Variants in ZNF48 observed in about 807,000 individuals in gnomAD.
ZNF48 encodes zinc finger protein 553.
A neutral mutation model predicts 40.0 loss-of-function variants in ZNF48; 20 were observed. The ratio of observed to expected loss-of-function variants is 0.50; its 90% CI spans 0.35 to 0.73. The LOEUF (loss-of-function observed/expected upper bound fraction) is 0.73, where lower values mean the gene tolerates loss of function less well. Ranked by LOEUF, ZNF48 falls within the 30% of genes least tolerant of loss-of-function variation. The pLI, the probability that ZNF48 is intolerant of heterozygous loss-of-function variation, is 0.01. For synonymous variants in ZNF48, 298 were observed against 329.7 expected (o/e 0.90, Z 1.04); for missense variants, 726 against 851.9 (o/e 0.85, Z 1.84).
At chr16:30,378,346 C>A in exon 1 of ZNF48, 2 of 1,294,760 alleles carry the variant, frequency 1.5e-6, no homozygotes, top group South Asian at 1.4e-5. Context: ...GCGGAGGTCC[C>A]GGGGGGCGCT....
At position 30,381,617 on chromosome 16, in the gene ZNF48, C is replaced by G. The variant is rs977037330; in HGVS notation, c.-16+3207C>G. ...GGAACTGGTGGGGGCCTAGGTGAGT[C>G]ATCAAGAAGCACAGGGACCCAGTGG... On this transcript the variant is annotated intron_variant, in intron 1 of 2. Coordinates refer to the ZNF48 transcript ENST00000528032. This position sits in a 1 kb window ranked among gnomAD's most constrained non-coding sequence, Gnocchi z 4.3. The G allele has an allele frequency of 6.8e-7, 1 of 1,465,846 alleles. No individual in the cohort carries two copies. Among genetic ancestry groups the G allele is most frequent in the Non-Finnish European group, 9.3e-7 (1 of 1,075,328 alleles). 90.8% of individuals were successfully genotyped at this position (1,465,846 alleles called of 1,614,324 possible).
Position 30,399,073 on chromosome 16 carries a change from C to G in ZNF48, c.1823C>G (p.Pro608Arg), listed in dbSNP as rs374095744. The stretch of plus-strand genomic sequence containing the variant: ...GGGATAGGGGATGGTAGGGCAAGGC[C>G]CCTCAAGCAGGAGGCAGCAACAGGA... ...PFGIGDGRARPLKQEAATGLE is the reference protein window; with the variant it reads ...PFGIGDGRARRLKQEAATGLE The change falls in exon 3 of 3, where the codon CCC becomes CGC. Residue 608 changes from proline (P) to arginine (R), a missense_variant. Transcript: ENST00000613509. 10 of 1,602,300 alleles carry G rather than the reference C, an allele frequency of 6.2e-6. No homozygotes were observed. The highest frequency in any genetic ancestry group is 8.5e-6 in the Non-Finnish European group (10 of 1,173,488).
At position 30,397,106 on chromosome 16, in the gene ZNF48, T is replaced by C. The variant is rs1270266260; in HGVS notation, c.80-224T>C. Among the ~76,000 whole-genome samples, 2 of 152,150 alleles carry C rather than the reference T, an allele frequency of 1.3e-5. No individual in the cohort carries two copies. On this transcript the variant is annotated intron_variant, in intron 2 of 2. Coordinates refer to ENST00000613509, the MANE Select transcript of ZNF48 (RefSeq NM_001214909.2). The surrounding 1 kb of genome is among the most constrained non-coding windows in gnomAD (Gnocchi z 4.1). ...AGTGTTATAGTATTGTTTGCAAGCG[T>C]TTAATACTAATGCTGAGTTTGGTGA...
chr16:30,395,926 G>T lies in ZNF48; in HGVS notation c.79+53G>T. On this transcript the variant is annotated intron_variant, in intron 2 of 2. Transcript: ENST00000613509. The surrounding 1 kb of genome is among the most constrained non-coding windows in gnomAD (Gnocchi z 5.9). The stretch of plus-strand genomic sequence containing the variant: ...GGACAGGTAACGGCCGGTGGGGACT[G>T]CGATGCTTGGCTGTGGCCGGCCGAG... 1 of 1,440,032 alleles carries T rather than the reference G, an allele frequency of 6.9e-7. No individual in the cohort carries two copies. 89.2% of individuals were successfully genotyped at this position (1,440,032 alleles called of 1,614,324 possible). A position where few individuals can be genotyped will look rare whatever the true frequency, so the allele number is the denominator to read the frequency against.
At position 30,382,079 on chromosome 16, in the gene ZNF48, G is replaced by A; in HGVS notation, c.-16+3669G>A. The A allele has an allele frequency of 1.9e-6, 3 of 1,577,794 alleles. No homozygotes were observed. The highest frequency in any genetic ancestry group is 2.6e-6 in the Non-Finnish European group (3 of 1,161,098). On this transcript the variant is annotated intron_variant, in intron 1 of 2. Transcript: ENST00000528032. The surrounding 1 kb of genome is among the most constrained non-coding windows in gnomAD (Gnocchi z 4.8). ...ACAGGGGCTACTGCCTCAAGAGGGT[G>A]GGGAGGGTCTTACCACTGGCCTCTG...
rs1282635076 is a variant in ZNF48 at position 30,399,820 on chromosome 16, G to C, written c.*713G>C. The C allele has an allele frequency of 2.0e-5, 3 of 152,414 alleles. No homozygotes were observed. The highest frequency in any genetic ancestry group is 4.4e-5 in the Non-Finnish European group (3 of 68,176). 9.4% of individuals were successfully genotyped at this position (152,414 alleles called of 1,614,324 possible). A position where few individuals can be genotyped will look rare whatever the true frequency, so the allele number is the denominator to read the frequency against. On this transcript the variant is annotated 3_prime_UTR_variant, in exon 3 of 3. Coordinates refer to ENST00000613509, the MANE Select transcript of ZNF48 (RefSeq NM_001214909.2). ...GGAGACACTGGCAGAATAGACCAGA[G>C]ACAGAAGGTGCTCTCATGGTATCCA...
intron 1 of ZNF48, chr16:30,379,250 C>A: frequency 6.3e-7 from 1 of 1,585,020 alleles, no homozygotes; most frequent in South Asian, 1.1e-5. Context: ...CCGTAAGGGT[C>A]GGGTCTACAG....
At chr16:30,392,153 T>G (rs2049947342), upstream of ZNF48, among the ~76,000 whole-genome samples, 1 of 152,130 alleles carries the variant, frequency 6.6e-6, no homozygotes, top group East Asian at 1.9e-4. Context: ...CTCCTGAGTA[T>G]CTGGGACTAC....
In ZNF48 at chr16:30,397,361, G is replaced by T. The variant is rs753000862; in HGVS notation, c.111G>T (p.Pro37=). ...GGAGTGAGAACGTGATTTCTCAGCC[G>T]AATGAGTTTGAACATACCCCACAGG... ...GLGSENVISQ[P]NEFEHTPQED... The change falls in exon 3 of 3, where the codon CCG becomes CCT. Residue 37 remains proline, a synonymous_variant. Coordinates refer to ENST00000613509, the MANE Select transcript of ZNF48 (RefSeq NM_001214909.2). This position sits in a 1 kb window ranked among gnomAD's most constrained non-coding sequence, Gnocchi z 4.1. The T allele has an allele frequency of 3.7e-6, 6 of 1,613,528 alleles. No individual in the cohort carries two copies. The African/African-American group carries it at 8.0e-5, about 22-fold the overall frequency.
In ZNF48 at chr16:30,385,176, AAATAATAATAATAAT is replaced by A. The variant is rs71149012; in HGVS notation, c.-16+6798_-16+6812del. ...GGCAACAAGAGCAAAACTCTTTCTC[AAATAATAATAATAAT>A]AATAATAATAATAATAATAATAATA... On this transcript the variant is annotated intron_variant, in intron 1 of 2. Coordinates refer to the ZNF48 transcript ENST00000528032. 2.6e-3 allele frequency among the ~76,000 whole-genome samples: 369 copies of A among 140,876 alleles called. 2 individuals are homozygous for A. Among genetic ancestry groups the A allele is most frequent in the South Asian group, 8.9e-3 (40 of 4,514 alleles). The allele number at this position is 140,876 out of a possible 152,430, so 92.4% of individuals were successfully genotyped here.
At position 30,380,068 on chromosome 16, in the gene ZNF48, G is replaced by A. The variant is rs748507949; in HGVS notation, c.-16+1658G>A. 1.9e-5 allele frequency: 29 copies of A among 1,554,840 alleles called. No individual in the cohort carries two copies. In the Admixed American group the frequency reaches 3.3e-4, roughly 18 times the overall value. On this transcript the variant is annotated intron_variant, in intron 1 of 2. Coordinates refer to the ZNF48 transcript ENST00000528032. ...AACAGATATAGAGACAGTGTGAAAC[G>A]GGCCACAATGACAGACATTTCATGA...
At chr16:30,392,167 C>A (rs751702882), upstream of ZNF48, among the ~76,000 whole-genome samples, 1 of 152,176 alleles carries the variant, frequency 6.6e-6, no homozygotes, top group South Asian at 2.1e-4. Context: ...GGACTACAGG[C>A]GCCTGCCACC....
intron 1 of ZNF48, chr16:30,380,888 C>G (rs1454100559): frequency 1.8e-6 from 1 of 569,938 alleles, no homozygotes; most frequent in Non-Finnish European, 3.1e-6. Flanking sequence ...TGTCTATGCT[C>G]CTGCCCTCAA....
Position 30,398,225 on chromosome 16 carries a change from C to T in ZNF48, c.975C>T (p.His325=). Residue 325 remains histidine (H), a synonymous_variant, in exon 3 of 3, where the codon CAC becomes CAT. Coordinates refer to ENST00000613509, the MANE Select transcript of ZNF48 (RefSeq NM_001214909.2). This position sits in a 1 kb window ranked among gnomAD's most constrained non-coding sequence, Gnocchi z 6.6. ...ACCTGGTGAAGCACCTGCGGGTGCA[C>T]ACGGGTGAGAAGCCCTACCTCTGCC... The part of the protein sequence containing the change: ...GSDLVKHLRV[H]TGEKPYLCPE... The T allele has an allele frequency of 1.9e-6, 3 of 1,613,752 alleles. No individual in the cohort carries two copies. Among genetic ancestry groups the T allele is most frequent in the Non-Finnish European group, 2.5e-6 (3 of 1,180,030 alleles).
intron 1 of ZNF48, among the ~76,000 whole-genome samples, chr16:30,383,689 C>T (rs1328611179): frequency 1.3e-5 from 2 of 152,182 alleles, no homozygotes; most frequent in African/African-American, 2.4e-5. Context: ...AGGAACTCCC[C>T]AGTAACTCAG....
chr16:30,381,247 G>A lies in ZNF48; in HGVS notation c.-16+2837G>A, dbSNP rs952518892. On this transcript the variant is annotated intron_variant, in intron 1 of 2. Transcript: ENST00000528032. The surrounding 1 kb of genome is among the most constrained non-coding windows in gnomAD (Gnocchi z 4.3). Reference sequence around the variant, plus strand: ...AGGCCACATCTAGGGGCCGGAGCCTGCACCCAGGGATTGGTCATTGCCCAG... The same window carrying A: ...AGGCCACATCTAGGGGCCGGAGCCTACACCCAGGGATTGGTCATTGCCCAG... 2 of 1,613,712 alleles carry A rather than the reference G, an allele frequency of 1.2e-6. No homozygotes were observed. Among genetic ancestry groups the A allele is most frequent in the Non-Finnish European group, 1.7e-6 (2 of 1,179,788 alleles).
chr16:30,379,210 G>C (rs1216928143), intron 1 of ZNF48: 7 of 1,612,442 alleles, frequency 4.3e-6, no homozygotes, highest in South Asian at 3.3e-5. Flanking sequence ...GCGGACCAGC[G>C]AACGTCAGGG....
intron 1 of ZNF48, among the ~76,000 whole-genome samples, chr16:30,386,588 G>A (rs562567371): frequency 6.6e-6 from 1 of 152,174 alleles, no homozygotes; most frequent in African/African-American, 2.4e-5. Flanking sequence ...TGGGAGGATC[G>A]TCCAGTCTGT....
At chr16:30,378,450 T>G (rs1373832784) in intron 1 of ZNF48, 8 of 1,572,124 alleles carry the variant, frequency 5.1e-6, no homozygotes, top group Non-Finnish European at 6.9e-6. Context: ...GGCGTCTGAC[T>G]GCTCGCCCTG....
Sources: allele counts gnomAD v4.1 joint callset (sites outside exome capture counted in the v4.1 genomes callset), GRCh38; gene constraint gnomAD v4.1.1; non-coding constraint Gnocchi (gnomAD v3.1); transcripts MANE v1.5; gene names NCBI Gene and HGNC (gene_info 2026-07-23, HGNC 2026-07-21).